The following IL3RA variants were observed in gnomAD, a reference collection of about 807,000 sequenced individuals.
IL3RA encodes the protein interleukin-3 receptor subunit alpha.
Under a neutral mutation model 52.3 loss-of-function variants are expected in IL3RA, and 73 were observed. The observed-to-expected ratio is 1.40, with a 90% CI of 1.16 to 1.70. The LOEUF is 1.70. Ranked by LOEUF, IL3RA falls within the 40% of genes most tolerant of loss-of-function variation. The pLI is 0.00. For missense variants in IL3RA, 664 were observed against 504.4 expected (o/e 1.32, Z -3.03); for synonymous variants, 260 against 194.0 (o/e 1.34, Z -2.83).
Position 1,352,316 on chromosome X carries a change from C to T in IL3RA, c.432-6C>T, listed in dbSNP as rs1245919394. 2.0e-5 allele frequency: 33 copies of T among 1,613,636 alleles called. No individual in the cohort carries two copies. In the Admixed American group the frequency reaches 5.5e-4, roughly 27 times the overall value. On this transcript the variant is annotated splice_polypyrimidine_tract_variant and splice_region_variant and intron_variant, in intron 5 of 11. Transcript: ENST00000331035. ...GGTCGTCCCCCAACCTTACCGCTTA[C>T]CGCAGCAGGCGTCAACAGTACGAGT...
intron 7 of IL3RA, 24 bp downstream of exon 7, chrX:1,356,360 C>T (rs1427847345): frequency 5.1e-6 from 7 of 1,371,346 alleles, no homozygotes; most frequent in Non-Finnish European, 7.0e-6. Context: ...CCGCCCCCAG[C>T]CCCCCCACCC....
chrX:1,349,213 A>G (rs1200163215), intron 4 of IL3RA, among the ~76,000 whole-genome samples: 1 of 141,432 alleles, frequency 7.1e-6, no homozygotes, highest in East Asian at 2.0e-4. Flanking sequence ...ACAGAGTCTC[A>G]CTCTGTCCAC....
chrX:1,358,265 CCT>C (rs1304643148), intron 7 of IL3RA, among the ~76,000 whole-genome samples: 18 of 152,130 alleles, frequency 1.2e-4, no homozygotes, highest in Non-Finnish European at 2.5e-4. Flanking sequence ...TGTGGCTACC[CCT>C]GAGTGCATCT....
At chrX:1,360,290 C>T (rs6645259) in intron 8 of IL3RA, among the ~76,000 whole-genome samples, 1 of 35,812 alleles carries the variant, frequency 2.8e-5, no homozygotes, top group Non-Finnish European at 5.8e-5. Context: ...TGGTCTCTAT[C>T]TCCCCCTCTC....
In IL3RA at chrX:1,346,090, G is replaced by A. The variant is rs17884114; in HGVS notation, c.183+656G>A. 7.2e-3 allele frequency among the ~76,000 whole-genome samples: 1,089 copies of A among 151,900 alleles called. 8 individuals are homozygous for A. The highest frequency in any genetic ancestry group is 0.013 in the Non-Finnish European group (856 of 67,992). On this transcript the variant is annotated intron_variant, in intron 3 of 11. Coordinates refer to ENST00000331035, the MANE Select transcript of IL3RA (RefSeq NM_002183.4). ...AGCACTTTGGGAGGCTGAGGCGGGCGGATCATGAGGTCAGGAGTTCGAGAC... is the reference window on the plus strand; with the variant it reads ...AGCACTTTGGGAGGCTGAGGCGGGCAGATCATGAGGTCAGGAGTTCGAGAC...
At position 1,362,742 on chromosome X, in the gene IL3RA, G is replaced by A. The variant is rs776122384; in HGVS notation, c.760-2396G>A. Among the ~76,000 whole-genome samples the A allele has an allele frequency of 2.0e-5, 3 of 151,898 alleles. No homozygotes were observed. The South Asian group carries it at 6.3e-4, about 32-fold the overall frequency. ...CACTCTCTGCCTCCGTCTCCACATG[G>A]CCTTCTCCTCTGCATCCGTGTCTCC... On this transcript the variant is annotated intron_variant, in intron 8 of 11. Transcript: ENST00000331035.
rs2085366838 is a variant in IL3RA at position 1,337,924 on chromosome X, G to T, written c.-39+998G>T. On this transcript the variant is annotated intron_variant, in intron 1 of 11. Transcript: ENST00000331035. Reference sequence around the variant, plus strand: ...TATAATGTGGTCCAGCCACACAGTGGAATATTATACAGCCATGAAAAGGAA... The same window carrying T: ...TATAATGTGGTCCAGCCACACAGTGTAATATTATACAGCCATGAAAAGGAA... Among the ~76,000 whole-genome samples, 2 of 146,710 alleles carry T rather than the reference G, an allele frequency of 1.4e-5. 1 individual carries two copies. The highest frequency in any genetic ancestry group is 3.0e-5 in the Non-Finnish European group (2 of 67,000).
chrX:1,356,887 A>G (rs1190334890), intron 7 of IL3RA, among the ~76,000 whole-genome samples: 1 of 151,700 alleles, frequency 6.6e-6, no homozygotes, highest in Non-Finnish European at 1.5e-5. Flanking sequence ...TTTTGTAGTG[A>G]TCTACAGATT....
At chrX:1,341,677 A>C in intron 1 of IL3RA, 51 bp from the exon 2 acceptor site, 1 of 1,472,190 alleles carries the variant, frequency 6.8e-7, no homozygotes, top group Non-Finnish European at 9.5e-7. Context: ...CATTACCCGC[A>C]ACCCAGTTTC....
intron 2 of IL3RA, among the ~76,000 whole-genome samples, chrX:1,344,003 C>G (rs1210165576): frequency 6.6e-6 from 1 of 151,818 alleles, no homozygotes; most frequent in South Asian, 2.1e-4. Context: ...ACCGTGTTAG[C>G]CAGGATGGTC....
In IL3RA at chrX:1,351,440, T is replaced by C. The variant is rs781531661; in HGVS notation, c.299-660T>C. On this transcript the variant is annotated intron_variant, in intron 4 of 11. Transcript: ENST00000331035. ...GCCTCCTGGGTTCAAGAAATTCTCC[T>C]GCCTCAGCCTCCCTAGTAGCTGGGA... Among the ~76,000 whole-genome samples, 5 of 151,770 alleles carry C rather than the reference T, an allele frequency of 3.3e-5. No homozygotes were observed. The South Asian group carries it at 1.0e-3, about 32-fold the overall frequency.
chrX:1,378,798 G>T, intron 10 of IL3RA, 34 bp downstream of exon 10: 1 of 1,554,410 alleles, frequency 6.4e-7, no homozygotes, highest in Non-Finnish European at 8.9e-7. Context: ...AGCGTCGCTT[G>T]TTTCCAGTGT....
At chrX:1,367,683 G>C (rs866773673) in intron 9 of IL3RA, among the ~76,000 whole-genome samples, 33 of 102,468 alleles carry the variant, frequency 3.2e-4, no homozygotes, top group Middle Eastern at 7.0e-3. Flanking sequence ...CGGGGTGAGC[G>C]GGGTGCGCGG....
At position 1,378,704 on chromosome X, in the gene IL3RA, C is replaced by T. The variant is rs200187424; in HGVS notation, c.920C>T (p.Ser307Leu). 7.7e-5 allele frequency: 124 copies of T among 1,612,566 alleles called. No individual in the cohort carries two copies. Among genetic ancestry groups the T allele is most frequent in the Non-Finnish European group, 1.0e-4 (119 of 1,179,840 alleles). The part of the protein sequence containing the change: ...EGANTRAWRT[S>L]LLIALGTLLA... ...GCAAACACACGTGCCTGGCGGACGTCGCTGCTGATCGCGCTGGGGACGCTG... is the reference window on the plus strand; with the variant it reads ...GCAAACACACGTGCCTGGCGGACGTTGCTGCTGATCGCGCTGGGGACGCTG... The change falls in exon 10 of 12, where the codon TCG (serine) becomes TTG (leucine). Residue 307 changes from serine (S) to leucine (L), a missense_variant. By Grantham distance (145) the Ser-to-Leu change is moderately radical (BLOSUM62 -2). Coordinates refer to ENST00000331035, the MANE Select transcript of IL3RA (RefSeq NM_002183.4).
intron 9 of IL3RA, among the ~76,000 whole-genome samples, chrX:1,366,539 C>A (rs1311324629): frequency 3.2e-5 from 2 of 62,698 alleles, no homozygotes; most frequent in Non-Finnish European, 6.6e-5. Context: ...GAGCCGGGTG[C>A]GCGGGGTGAG....
chrX:1,368,477 C>T (rs1203376982), intron 9 of IL3RA, among the ~76,000 whole-genome samples: 1 of 150,988 alleles, frequency 6.6e-6, no homozygotes, highest in East Asian at 2.0e-4. Flanking sequence ...CCTCAGCTAC[C>T]AGGGAGGCTG....
At chrX:1,378,609 TC>T (rs771862284) in intron 9 of IL3RA, 49 bp from the exon 10 acceptor site, 2 of 1,494,818 alleles carry the variant, frequency 1.3e-6, no homozygotes, top group Non-Finnish European at 1.8e-6. Context: ...CAGTCCCTGG[TC>T]CCCCCAGGAC....
rs747859061 is a variant in IL3RA, at chrX:1,348,441, A to C, written c.194A>C (p.Asn65Thr). The C allele has an allele frequency of 4.1e-5, 66 of 1,613,128 alleles. No individual in the cohort carries two copies. The highest frequency in any genetic ancestry group is 3.3e-4 in the Middle Eastern group (2 of 6,076). The change falls in exon 4 of 12, where the codon AAT becomes ACT. Residue 65 changes from asparagine to threonine, a missense_variant. Asn to Thr is a moderately conservative substitution (Grantham distance 65). Transcript: ENST00000331035. ...DADYSMPAVN[N>T]SYCQFGAISL... is the part of the protein sequence containing the mutation. ...CTATGTCTCTCTTAGGCAGTGAACAATAGCTATTGCCAGTTTGGAGCAATT... is the reference window on the plus strand; with the variant it reads ...CTATGTCTCTCTTAGGCAGTGAACACTAGCTATTGCCAGTTTGGAGCAATT...
At chrX:1,345,479 T>G (rs202041896) in intron 3 of IL3RA, 45 bp downstream of exon 3, 122 of 1,204,890 alleles carry the variant, frequency 1.0e-4, no homozygotes, top group Non-Finnish European at 2.3e-6. Context: ...TTTTATTTAT[T>G]TATGTATTTA....
Sources: gnomAD v4.1 joint callset for allele counts (sites outside exome capture counted in the v4.1 genomes callset) on GRCh38, gnomAD v4.1.1 for gene constraint, MANE v1.5 for transcripts, NCBI Gene and HGNC (gene_info 2026-07-23, HGNC 2026-07-21) for gene names.